Variants in SH3PXD2B observed in about 807,000 individuals in gnomAD.
The protein encoded by SH3PXD2B is SH3 and PX domain-containing protein 2B.
SH3PXD2B carries 37 observed loss-of-function variants against 73.1 expected under a neutral mutation model. The ratio of observed to expected loss-of-function variants is 0.51; its 90% CI spans 0.39 to 0.67. SH3PXD2B has a LOEUF of 0.67. Ranked by LOEUF, SH3PXD2B falls within the 30% of genes least tolerant of loss-of-function variation. SH3PXD2B has a pLI of 0.00. For missense variants in SH3PXD2B, 1,053 were observed against 1,197.8 expected, an observed-to-expected ratio of 0.88 and a Z score of 1.78; for synonymous variants, 457 against 480.5, an observed-to-expected ratio of 0.95 and a Z score of 0.64.
intron 8 of SH3PXD2B, chr5:172,356,610 G>C (rs565925823): frequency 1.9e-4 from 29 of 152,436 alleles, no homozygotes; most frequent in African/African-American, 6.5e-4. Context: ...GGCACGGGTG[G>C]TCCCAGAGCA....
chr5:172,328,118 AT>A (rs145836169), intron 12 of SH3PXD2B, among the ~76,000 whole-genome samples: 1,444 of 139,994 alleles, frequency 0.01, 13 homozygotes, highest in African/African-American at 0.033. Flanking sequence ...TAGTAGGCTG[AT>A]TTTTTTTTTT....
intron 3 of SH3PXD2B, 72 bp downstream of exon 3, chr5:172,406,205 A>T: frequency 6.6e-7 from 1 of 1,505,844 alleles, no homozygotes; most frequent in Non-Finnish European, 9.2e-7. Flanking sequence ...AAGCTGATAA[A>T]CTGTCCCAAG....
At position 172,454,339 on chromosome 5, in the gene SH3PXD2B, C is replaced by A. The variant is rs780751262; in HGVS notation, c.14G>T (p.Arg5Leu). Residue 5 changes from arginine to leucine, a missense_variant, in exon 1 of 13, where the codon CGC becomes CTC. This residue lies in a region of SH3PXD2B where 466 missense variants were observed against 607.1 expected (regional missense o/e 0.77). Coordinates refer to ENST00000311601, the MANE Select transcript of SH3PXD2B (RefSeq NM_001017995.3). ...TAGCACCTTCACCTCCACGATGCTG[C>A]GCCGCGGCGGCATGGCCGCTCCTCC... MPPR[R>L]SIVEVKVLDV... The A allele has an allele frequency of 1.8e-5, 28 of 1,534,914 alleles. No individual in the cohort carries two copies. Among genetic ancestry groups the A allele is most frequent in the Non-Finnish European group, 2.4e-5 (27 of 1,144,394 alleles).
intron 1 of SH3PXD2B, 78 bp downstream of exon 1, chr5:172,454,200 G>A: frequency 7.5e-7 from 1 of 1,325,722 alleles, no homozygotes; most frequent in Non-Finnish European, 1.0e-6. Context: ...GGAGGCAGAA[G>A]TTTTCCAAGC....
At chr5:172,452,860 A>AG in intron 1 of SH3PXD2B, among the ~76,000 whole-genome samples, 1 of 152,154 alleles carries the variant, frequency 6.6e-6, no homozygotes, top group Non-Finnish European at 1.5e-5. Flanking sequence ...AAAAAAAGGA[A>AG]GGAAAAAAAA....
intron 11 of SH3PXD2B, among the ~76,000 whole-genome samples, chr5:172,346,834 T>TA (rs113974264): frequency 0.015 from 2,183 of 150,544 alleles, 23 homozygotes; most frequent in Middle Eastern, 0.024. Context: ...TGCAAACAAA[T>TA]AAAAAAAACC....
chr5:172,414,518 T>C (rs1315145719), intron 2 of SH3PXD2B, among the ~76,000 whole-genome samples: 2 of 141,178 alleles, frequency 1.4e-5, no homozygotes, highest in African/African-American at 5.4e-5. Flanking sequence ...CAATGGAAAC[T>C]GGAAACAAGC....
intron 8 of SH3PXD2B, among the ~76,000 whole-genome samples, chr5:172,357,577 C>G (rs1757309174): frequency 6.6e-6 from 1 of 152,144 alleles, no homozygotes; most frequent in Admixed American, 6.6e-5. Context: ...AAAATGGGGA[C>G]AGCAATGAGT....
chr5:172,329,079 A>ATTTTTTTTTT (rs1386540665), downstream of SH3PXD2B, among the ~76,000 whole-genome samples: 1 of 64,510 alleles, frequency 1.6e-5, no homozygotes, highest in African/African-American at 6.3e-5. Context: ...ATATATATAT[A>ATTTTTTTTTT]TATATTTTTT....
intron 5 of SH3PXD2B, among the ~76,000 whole-genome samples, chr5:172,379,856 A>G (rs1757903670): frequency 6.6e-6 from 1 of 152,200 alleles, no homozygotes; most frequent in Non-Finnish European, 1.5e-5. Context: ...ACCTGGGTGT[A>G]CTAGATTCCA....
intron 5 of SH3PXD2B, among the ~76,000 whole-genome samples, chr5:172,379,333 A>G (rs1034105945): frequency 3.5e-5 from 5 of 142,328 alleles, no homozygotes; most frequent in African/African-American, 1.1e-4. Context: ...AAAAAAAAAA[A>G]GAAGAGACAT....
rs573036135 is a variant in SH3PXD2B, at chr5:172,368,553, A to G, written c.427+5237T>C. ...ATATATATATATAAAATATATATATATTATATATATATAAAATATGTTATA... is the reference window on the plus strand; with the variant it reads ...ATATATATATATAAAATATATATATGTTATATATATATAAAATATGTTATA... On this transcript the variant is annotated intron_variant, in intron 6 of 12. Coordinates refer to ENST00000311601, the MANE Select transcript of SH3PXD2B (RefSeq NM_001017995.3). Among the ~76,000 whole-genome samples, 16 of 14,774 alleles carry G rather than the reference A, an allele frequency of 1.1e-3. 2 individuals carry two copies. Among genetic ancestry groups the G allele is most frequent in the African/African-American group, 7.9e-3 (15 of 1,904 alleles). The allele number at this position is 14,774 out of a possible 152,430, so 9.7% of individuals were successfully genotyped here. A position where few individuals can be genotyped will look rare whatever the true frequency, so the allele number is the denominator to read the frequency against.
chr5:172,332,439 C>G (rs1756576825), downstream of SH3PXD2B, among the ~76,000 whole-genome samples: 1 of 144,260 alleles, frequency 6.9e-6, no homozygotes, highest in Non-Finnish European at 1.5e-5. Context: ...TTTTTTTAAA[C>G]TTTGAGTAGA....
chr5:172,343,702 G>A (rs1756911145), intron 12 of SH3PXD2B, among the ~76,000 whole-genome samples: 1 of 152,092 alleles, frequency 6.6e-6, no homozygotes, highest in Non-Finnish European at 1.5e-5. Context: ...CTACTTGGGA[G>A]GCTGAGGCAA....
In SH3PXD2B at chr5:172,346,106, A is replaced by G. The variant is rs745860667; in HGVS notation, c.1188+30T>C. On this transcript the variant is annotated intron_variant, in intron 12 of 12. Transcript: ENST00000311601. ...GTGATGCCTGGAATCAGGAATCACA[A>G]GTAGGCAAAGGAACACCAGGGCCAC... The G allele has an allele frequency of 3.7e-6, 6 of 1,613,666 alleles. No individual in the cohort carries two copies. The South Asian group carries it at 4.4e-5, about 12-fold the overall frequency.
rs1224451309 is a variant in SH3PXD2B, at chr5:172,334,138, G to A, written c.*4231C>T. 9 of 1,117,286 alleles carry A rather than the reference G, an allele frequency of 8.1e-6. No individual in the cohort carries two copies. In the South Asian group the frequency reaches 8.4e-5, roughly 10 times the overall value. The allele number at this position is 1,117,286 out of a possible 1,614,324, so 69.2% of individuals were successfully genotyped here. ...TTACTTTGGAGTCGAGGATAGAAAC[G>A]GGAAGATGGAATGTTGAAACATGAG... On this transcript the variant is annotated 3_prime_UTR_variant, in exon 13 of 13. Transcript: ENST00000311601.
intron 5 of SH3PXD2B, among the ~76,000 whole-genome samples, chr5:172,378,288 A>C (rs1018969486): frequency 6.6e-6 from 1 of 152,178 alleles, no homozygotes; most frequent in African/African-American, 2.4e-5. Context: ...TGCCAGGGAG[A>C]GGGCAGAGGC....
chr5:172,331,586 C>G (rs553506273), downstream of SH3PXD2B, among the ~76,000 whole-genome samples: 23 of 152,296 alleles, frequency 1.5e-4, no homozygotes, highest in African/African-American at 5.5e-4. Context: ...GACTCAGAAA[C>G]TCACCTTAGA....
chr5:172,428,664 G>A (rs1363907948), intron 1 of SH3PXD2B, among the ~76,000 whole-genome samples: 2 of 152,200 alleles, frequency 1.3e-5, no homozygotes, highest in African/African-American at 4.8e-5. Context: ...ATGGATAGAG[G>A]GACAATCCAG....
Sources: gnomAD v4.1 joint callset for allele counts (sites outside exome capture counted in the v4.1 genomes callset) on GRCh38, gnomAD v4.1.1 for gene constraint, gnomAD v4.1.1 regional missense constraint, MANE v1.5 for transcripts, NCBI Gene and HGNC (gene_info 2026-07-23, HGNC 2026-07-21) for gene names.